BLTP3A: variants seen among roughly 807,000 people sequenced by gnomAD.
The protein encoded by BLTP3A is ICBP90 binding protein 1.
the BLTP3A span, among the ~76,000 whole-genome samples, chr6:34,850,695 T>C: frequency 9.2e-5 from 14 of 152,114 alleles, no homozygotes; most frequent in Non-Finnish European, 1.8e-4. Context: ...AGCTCCAGAA[T>C]TTCTGCTTAA....
the BLTP3A span, chr6:34,871,571 C>T: frequency 1.2e-6 from 2 of 1,611,340 alleles, no homozygotes; most frequent in South Asian, 1.1e-5. Context: ...TGTGGTTTCT[C>T]TCTTTCCTGC....
chr6:34,866,557 CTT>C, the BLTP3A span, among the ~76,000 whole-genome samples: 14 of 152,246 alleles, frequency 9.2e-5, no homozygotes, highest in East Asian at 2.7e-3. Flanking sequence ...AAAATACAGA[CTT>C]AAATTTTTTT....
chr6:34,829,540 T>C, the BLTP3A span, among the ~76,000 whole-genome samples: 2 of 152,208 alleles, frequency 1.3e-5, no homozygotes, highest in South Asian at 2.1e-4. Context: ...TTGTTACATA[T>C]GTTTGTAGTT....
the BLTP3A span, chr6:34,855,473 C>A: frequency 1.2e-6 from 1 of 836,324 alleles, no homozygotes; most frequent in Non-Finnish European, 1.9e-6. Flanking sequence ...CCTTGCAAAT[C>A]ACCTCACATC....
chr6:34,832,555 C>T, the BLTP3A span, among the ~76,000 whole-genome samples: 1 of 151,960 alleles, frequency 6.6e-6, no homozygotes, highest in African/African-American at 2.4e-5. Flanking sequence ...CCTATCTTAG[C>T]CTCTCAAGTA....
the BLTP3A span, among the ~76,000 whole-genome samples, chr6:34,794,009 A>T: frequency 2.6e-5 from 4 of 152,098 alleles, no homozygotes; most frequent in Non-Finnish European, 4.4e-5. Flanking sequence ...AAAATACAGA[A>T]ATTAGCCTGG....
the BLTP3A span, among the ~76,000 whole-genome samples, chr6:34,860,453 A>G: frequency 6.6e-6 from 1 of 152,154 alleles, no homozygotes; most frequent in African/African-American, 2.4e-5. Context: ...GTCTAAGTGA[A>G]TTATCTTAAG....
At chr6:34,795,805 C>T in the BLTP3A span, among the ~76,000 whole-genome samples, 1 of 152,174 alleles carries the variant, frequency 6.6e-6, no homozygotes, top group Non-Finnish European at 1.5e-5. Context: ...ATAAGTATCA[C>T]AGACATTGGG....
the BLTP3A span, among the ~76,000 whole-genome samples, chr6:34,815,178 G>A: frequency 6.6e-6 from 1 of 152,182 alleles, no homozygotes; most frequent in Non-Finnish European, 1.5e-5. Context: ...TTTGTAGTTT[G>A]GTTTTGGTGG....
At chr6:34,864,307 A>C in the BLTP3A span, 1 of 1,117,732 alleles carries the variant, frequency 8.9e-7, no homozygotes, top group Non-Finnish European at 1.2e-6. Flanking sequence ...GATAATATAG[A>C]CATTTTCTTA....
chr6:34,851,601 T>C, the BLTP3A span, among the ~76,000 whole-genome samples: 1 of 152,156 alleles, frequency 6.6e-6, no homozygotes, highest in Admixed American at 6.5e-5. Context: ...ACTGGGTCTC[T>C]CCTAAGGCCC....
At chr6:34,826,086 A>G in the BLTP3A span, among the ~76,000 whole-genome samples, 7 of 142,752 alleles carry the variant, frequency 4.9e-5, no homozygotes, top group African/African-American at 1.3e-4. Flanking sequence ...CTAGAGTGCA[A>G]TGGTGCATCT....
At chr6:34,871,837 C>G in the BLTP3A span, 1 of 1,614,030 alleles carries the variant, frequency 6.2e-7, no homozygotes, top group Admixed American at 1.7e-5. Flanking sequence ...CAGGACAAAC[C>G]ATCAGCTGAA....
chr6:34,803,345 C>G, the BLTP3A span, among the ~76,000 whole-genome samples: 1 of 151,246 alleles, frequency 6.6e-6, no homozygotes, highest in Admixed American at 6.6e-5. Flanking sequence ...CTTGTACACT[C>G]TTTTTCCCTA....
the BLTP3A span, among the ~76,000 whole-genome samples, chr6:34,793,007 T>A: frequency 1.3e-5 from 2 of 152,182 alleles, no homozygotes; most frequent in Admixed American, 6.5e-5. Flanking sequence ...TGGAGAAAGG[T>A]CATGAGAGTT....
At chr6:34,806,310 A>T in the BLTP3A span, among the ~76,000 whole-genome samples, 1 of 152,062 alleles carries the variant, frequency 6.6e-6, no homozygotes, top group African/African-American at 2.4e-5. Flanking sequence ...TTAAATTCTT[A>T]TTTGTATCCT....
chr6:34,876,710 A>G, the BLTP3A span: 12 of 152,188 alleles, frequency 7.9e-5, no homozygotes, highest in African/African-American at 2.9e-4. Flanking sequence ...GTGAAGCACT[A>G]TCCTTTCAGA....
the BLTP3A span, among the ~76,000 whole-genome samples, chr6:34,809,467 T>C: frequency 1.3e-5 from 2 of 152,200 alleles, no homozygotes; most frequent in East Asian, 3.8e-4. Context: ...AGTTGACCCT[T>C]GAACAGTAGT....
the BLTP3A span, chr6:34,857,554 T>G: frequency 6.5e-7 from 1 of 1,547,056 alleles, no homozygotes; most frequent in South Asian, 1.2e-5. Flanking sequence ...ATATTTTTAT[T>G]TGTTGTTAGG....
Sources: allele counts gnomAD v4.1 joint callset (sites outside exome capture counted in the v4.1 genomes callset), GRCh38; gene constraint gnomAD v4.1.1; transcripts MANE v1.5; gene names NCBI Gene and HGNC (gene_info 2026-07-23, HGNC 2026-07-21).